Variants in IL1RAPL2 observed in about 807,000 individuals in gnomAD.
IL1RAPL2 encodes the protein X-linked interleukin-1 receptor accessory protein-like 2.
In IL1RAPL2, 3 loss-of-function variants were observed where a neutral mutation model predicts 44.1. The ratio of observed to expected loss-of-function variants is 0.07; its 90% CI spans 0.03 to 0.18. The LOEUF (loss-of-function observed/expected upper bound fraction) is 0.18, where lower values mean the gene tolerates loss of function less well. IL1RAPL2 is among the 10% of genes least tolerant of loss of function. IL1RAPL2 has a pLI of 1.00. For missense variants in IL1RAPL2, 391 were observed against 496.4 expected (o/e 0.79, Z 2.02); for synonymous variants, 181 against 178.8 (o/e 1.01, Z -0.10).
chrX:104,919,599 T>C (rs1221001363), intron 2 of IL1RAPL2, among the ~76,000 whole-genome samples: 1 of 104,881 alleles, frequency 9.5e-6, no homozygotes, highest in Non-Finnish European at 2.0e-5. Flanking sequence ...GGTGCGATCT[T>C]GGCTCACTGC....
intron 5 of IL1RAPL2, among the ~76,000 whole-genome samples, chrX:105,433,054 G>T (rs771861443): frequency 3.3e-4 from 37 of 110,708 alleles, no homozygotes; most frequent in African/African-American, 1.2e-3. Flanking sequence ...CTTGCTCATT[G>T]GTATAGAAGA....
intron 5 of IL1RAPL2, among the ~76,000 whole-genome samples, chrX:105,288,514 G>A (rs1286848276): frequency 1.8e-5 from 2 of 110,210 alleles, no homozygotes; most frequent in African/African-American, 6.6e-5. Context: ...TCTGCATATG[G>A]CTAGCCAGTT....
intron 1 of IL1RAPL2, among the ~76,000 whole-genome samples, chrX:104,573,756 G>A (rs1928190551): frequency 8.9e-6 from 1 of 112,230 alleles, no homozygotes; most frequent in Non-Finnish European, 1.9e-5. Context: ...TGGTACTTGT[G>A]TAGGATCAGA....
intron 2 of IL1RAPL2, among the ~76,000 whole-genome samples, chrX:104,707,467 G>T (rs1328192979): frequency 8.9e-6 from 1 of 112,021 alleles, no homozygotes; most frequent in Non-Finnish European, 1.9e-5. Flanking sequence ...GGTACAGGCT[G>T]AAGGTGTTTC....
At chrX:105,352,980 G>T (rs1261977027) in intron 5 of IL1RAPL2, among the ~76,000 whole-genome samples, 2 of 110,863 alleles carry the variant, frequency 1.8e-5, no homozygotes, top group Non-Finnish European at 3.8e-5. Flanking sequence ...CATTGCTTTT[G>T]GTGTTTTTGT....
At chrX:105,649,598 T>A (rs2037628979) in intron 6 of IL1RAPL2, among the ~76,000 whole-genome samples, 1 of 111,538 alleles carries the variant, frequency 9.0e-6, no homozygotes, top group Non-Finnish European at 1.9e-5. Context: ...ACAATGTAGG[T>A]AACTTCTCAA....
At chrX:104,684,062 T>G (rs1196622716) in intron 2 of IL1RAPL2, among the ~76,000 whole-genome samples, 1 of 111,719 alleles carries the variant, frequency 9.0e-6, no homozygotes, top group Non-Finnish European at 1.9e-5. Context: ...AATCGATTGT[T>G]TACTATAAGA....
rs900770171 is a variant in IL1RAPL2 at position 105,296,907 on chromosome X, T to C, written c.697+29366T>C. Among the ~76,000 whole-genome samples the C allele has an allele frequency of 2.9e-4, 33 of 112,633 alleles. No individual in the cohort carries two copies. The Admixed American group carries it at 2.9e-3, about 10-fold the overall frequency. On this transcript the variant is annotated intron_variant, in intron 5 of 10. Transcript: ENST00000372582. ...GTTGCATTCACTCAGCAGATACTTA[T>C]TGAGTCCTTACTGGGGATATAGCAA...
intron 1 of IL1RAPL2, among the ~76,000 whole-genome samples, chrX:104,648,948 C>T (rs1183639869): frequency 9.0e-6 from 1 of 111,395 alleles, no homozygotes; most frequent in Non-Finnish European, 1.9e-5. Context: ...CTTGCATTCT[C>T]TCCTGAGATA....
chrX:104,869,071 AACTTTCTGGCCAATTCTTG>A (rs1484208923), intron 2 of IL1RAPL2, among the ~76,000 whole-genome samples: 1 of 111,683 alleles, frequency 9.0e-6, no homozygotes, highest in Admixed American at 9.5e-5. Context: ...GCCTCGGTAT[AACTTTCTGGCCAATTCTTG>A]AAGTTCTTTT....
At chrX:105,626,321 C>T (rs765385726) in intron 6 of IL1RAPL2, among the ~76,000 whole-genome samples, 36 of 111,325 alleles carry the variant, frequency 3.2e-4, no homozygotes, top group African/African-American at 1.0e-3. Context: ...AGGATTGCTG[C>T]TGTAAGGCAT....
chrX:104,760,190 G>A (rs1264379498), intron 2 of IL1RAPL2, among the ~76,000 whole-genome samples: 1 of 112,016 alleles, frequency 8.9e-6, no homozygotes, highest in Non-Finnish European at 1.9e-5. Context: ...TCTGTTGATG[G>A]ATACAGATCC....
chrX:105,677,304 A>G (rs1242011060), intron 6 of IL1RAPL2, among the ~76,000 whole-genome samples: 1 of 111,887 alleles, frequency 8.9e-6, no homozygotes, highest in Non-Finnish European at 1.9e-5. Context: ...AAATGTAAGC[A>G]TTGGATCCCA....
At chrX:105,388,915 T>A (rs1384776740) in intron 5 of IL1RAPL2, among the ~76,000 whole-genome samples, 1 of 111,673 alleles carries the variant, frequency 9.0e-6, no homozygotes, top group Non-Finnish European at 1.9e-5. Flanking sequence ...ATTTGTAACT[T>A]GAGATGCAAG....
At chrX:104,697,922 G>A (rs1003693967) in intron 2 of IL1RAPL2, among the ~76,000 whole-genome samples, 2 of 112,500 alleles carry the variant, frequency 1.8e-5, no homozygotes, top group African/African-American at 6.5e-5. Flanking sequence ...TAACTTAGTC[G>A]TCTGCTTCAG....
intron 2 of IL1RAPL2, among the ~76,000 whole-genome samples, chrX:104,839,553 T>C (rs932836376): frequency 8.9e-6 from 1 of 111,861 alleles, no homozygotes; most frequent in Non-Finnish European, 1.9e-5. Flanking sequence ...ATTTTCTTTT[T>C]TTGTTGTGTC....
intron 2 of IL1RAPL2, among the ~76,000 whole-genome samples, chrX:104,942,730 T>C (rs1176245001): frequency 1.8e-5 from 2 of 111,422 alleles, no homozygotes. Context: ...TCCAACACTA[T>C]GTTGAATAGG....
chrX:105,423,607 T>C (rs2035787881), intron 5 of IL1RAPL2, among the ~76,000 whole-genome samples: 1 of 111,252 alleles, frequency 9.0e-6, no homozygotes, highest in Non-Finnish European at 1.9e-5. Context: ...AACCCAACAA[T>C]ATGATCACTG....
chrX:104,890,790 C>A (rs1002441925), intron 2 of IL1RAPL2, among the ~76,000 whole-genome samples: 10 of 111,800 alleles, frequency 8.9e-5, no homozygotes, highest in Non-Finnish European at 1.3e-4. Context: ...CGTGCAGAAG[C>A]TCTTTAGTTT....
Sources: gnomAD v4.1 joint callset for allele counts (sites outside exome capture counted in the v4.1 genomes callset) on GRCh38, gnomAD v4.1.1 for gene constraint, MANE v1.5 for transcripts, NCBI Gene and HGNC (gene_info 2026-07-23, HGNC 2026-07-21) for gene names.